TBC1D31: variants seen among roughly 807,000 people sequenced by gnomAD.
The protein encoded by TBC1D31 is WD repeat domain 67.
TBC1D31 carries 99 observed loss-of-function variants against 132.9 expected under a neutral mutation model. That is an observed-to-expected ratio of 0.74 (90% CI 0.63 to 0.88). The LOEUF (loss-of-function observed/expected upper bound fraction) is 0.88, where lower values mean the gene tolerates loss of function less well. Among genes scored for constraint, TBC1D31 ranks in the 40% least tolerant of loss-of-function variants. The probability of loss-of-function intolerance (pLI) is 0.00; values close to 1 mark genes in which losing one functional copy is unlikely to be tolerated. For missense variants in TBC1D31, 1,134 were observed against 1,256.6 expected, an observed-to-expected ratio of 0.90 and a Z score of 1.48; for synonymous variants, 385 against 419.4, an observed-to-expected ratio of 0.92 and a Z score of 1.00.
At chr8:123,117,085 C>T (rs7012143) in intron 10 of TBC1D31, among the ~76,000 whole-genome samples, 85,953 of 151,896 alleles carry the variant, frequency 0.57, 24,545 homozygotes, top group Admixed American at 0.62. Context: ...GAGGTCAAGA[C>T]GGGTGGATCA....
At chr8:123,158,256 A>G in the TBC1D31 span, among the ~76,000 whole-genome samples, 36 of 148,860 alleles carry the variant, frequency 2.4e-4, no homozygotes, top group African/African-American at 9.3e-4. Context: ...ATAAATACAT[A>G]CATAACTATT....
intron 21 of TBC1D31, among the ~76,000 whole-genome samples, chr8:123,150,671 G>A (rs564430046): frequency 4.6e-5 from 7 of 152,292 alleles, no homozygotes; most frequent in Admixed American, 2.6e-4. Context: ...ATCCCTGGAC[G>A]TGGTTCATTG....
At position 123,088,189 on chromosome 8, in the gene TBC1D31, CA is replaced by C. The variant is rs71573665; in HGVS notation, c.519+3862del. On this transcript the variant is annotated intron_variant, in intron 4 of 21. Coordinates refer to ENST00000287380, the MANE Select transcript of TBC1D31 (RefSeq NM_145647.4). The stretch of plus-strand genomic sequence containing the variant: ...GGGCAACAGAGCGAGACTCTTGTCT[CA>C]AAAAAAAAAAAATACAATACAATAA... Among the ~76,000 whole-genome samples, 558 of 139,758 alleles carry C rather than the reference CA, an allele frequency of 4.0e-3. 3 individuals are homozygous for C. Among genetic ancestry groups the C allele is most frequent in the Middle Eastern group, 0.012 (3 of 258 alleles). 91.7% of individuals were successfully genotyped at this position (139,758 alleles called of 152,430 possible).
At chr8:123,147,112 A>C (rs1300343869) in intron 20 of TBC1D31, among the ~76,000 whole-genome samples, 1 of 151,858 alleles carries the variant, frequency 6.6e-6, no homozygotes, top group Non-Finnish European at 1.5e-5. Context: ...CTTACAAAAG[A>C]TACTAATCAT....
intron 10 of TBC1D31, among the ~76,000 whole-genome samples, chr8:123,117,801 A>T (rs1006639591): frequency 1.3e-5 from 2 of 151,420 alleles, no homozygotes; most frequent in East Asian, 3.9e-4. Flanking sequence ...GTGGTGGCAC[A>T]CACCTATAGT....
In TBC1D31 at chr8:123,126,561, G is replaced by A. The variant is rs1172815085; in HGVS notation, c.1758G>A (p.Glu586=). 1 of 1,613,906 alleles carries A rather than the reference G, an allele frequency of 6.2e-7. No homozygotes were observed. The highest frequency in any genetic ancestry group is 1.3e-5 in the African/African-American group (1 of 74,906). ...TGTTCTCAGAAGTGCTGACAAGAGA[G>A]GAGTGGCTGAAATTGTTCGATAATA... ...ETVFSEVLTR[E]EWLKLFDNIF... The change falls in exon 13 of 22, where the codon GAG becomes GAA. Residue 586 remains glutamate (E), a synonymous_variant. Coordinates refer to ENST00000287380, the MANE Select transcript of TBC1D31 (RefSeq NM_145647.4).
chr8:123,109,003 G>A (rs925322275), intron 8 of TBC1D31, among the ~76,000 whole-genome samples: 3 of 152,190 alleles, frequency 2.0e-5, no homozygotes, highest in African/African-American at 7.2e-5. Context: ...CCTTCAACAC[G>A]TGGGGATTGT....
At position 123,097,395 on chromosome 8, in the gene TBC1D31, G is replaced by A. The variant is rs142466644; in HGVS notation, c.785G>A (p.Arg262His). Residue 262 changes from arginine (R) to histidine (H), a missense_variant, in exon 6 of 22, where the codon CGC (arginine) becomes CAC (histidine). Arg to His is a conservative substitution (Grantham distance 29, BLOSUM62 0). Coordinates refer to ENST00000287380, the MANE Select transcript of TBC1D31 (RefSeq NM_145647.4). ...ATGCCCACTAAAGTTCGAGCCATTC[G>A]CCATCTGGAATTTCTTCCTGATAGT... ...IQMPTKVRAI[R>H]HLEFLPDSFD... 226 of 1,613,974 alleles carry A rather than the reference G, an allele frequency of 1.4e-4. No individual in the cohort carries two copies. Among genetic ancestry groups the A allele is most frequent in the Admixed American group, 4.8e-4 (29 of 59,994 alleles).
At chr8:123,159,279 A>G in the TBC1D31 span, among the ~76,000 whole-genome samples, 9 of 120,674 alleles carry the variant, frequency 7.5e-5, no homozygotes, top group Non-Finnish European at 1.3e-4. Flanking sequence ...AAAAAAAAAA[A>G]AAAAGAAAAA....
rs1176613065 is a variant in TBC1D31, at chr8:123,072,780, C to G, written c.11C>G (p.Thr4Ser). The change falls in exon 1 of 22, where the codon ACT becomes AGT. Residue 4 changes from threonine (T) to serine (S), a missense_variant. Coordinates refer to ENST00000287380, the MANE Select transcript of TBC1D31 (RefSeq NM_145647.4). The stretch of plus-strand genomic sequence containing the variant: ...TGGGCAAGCTTCGCCATGCAGAGCA[C>G]TGACCTAGGCAACAAGGAGAGCGGC... MQSTDLGNKESGKI... is the reference protein window; with the variant it reads MQSSDLGNKESGKI... 6.4e-7 allele frequency: 1 copy of G among 1,568,392 alleles called. No individual in the cohort carries two copies. The highest frequency in any genetic ancestry group is 1.9e-5 in the Admixed American group (1 of 53,158).
chr8:123,116,682 C>A (rs1019909734), intron 10 of TBC1D31, among the ~76,000 whole-genome samples: 4 of 151,758 alleles, frequency 2.6e-5, no homozygotes, highest in Non-Finnish European at 5.9e-5. Context: ...ACAAGATGAA[C>A]CTGAAGCATC....
chr8:123,092,857 G>C (rs1057144276), intron 4 of TBC1D31, among the ~76,000 whole-genome samples: 19 of 140,392 alleles, frequency 1.4e-4, no homozygotes, highest in East Asian at 2.0e-4. Flanking sequence ...CCTCACCCAG[G>C]CTAAAGTGCG....
At chr8:123,131,546 ATATGTG>A (rs1820631720) in intron 16 of TBC1D31, among the ~76,000 whole-genome samples, 1 of 151,956 alleles carries the variant, frequency 6.6e-6, no homozygotes, top group African/African-American at 2.4e-5. Flanking sequence ...CATATTTGTT[ATATGTG>A]TATCTATTTC....
intron 7 of TBC1D31, chr8:123,104,269 G>A (rs1466702179): frequency 6.6e-6 from 1 of 152,046 alleles, no homozygotes; most frequent in East Asian, 1.9e-4. Context: ...GTGTTTTGAA[G>A]CTTTTTGTTA....
chr8:123,144,615 T>C lies in TBC1D31; in HGVS notation c.2836-102T>C, dbSNP rs1484326758. On this transcript the variant is annotated intron_variant, in intron 19 of 21. Transcript: ENST00000287380. ...ACAGATCCTACTTGCCATGGGAATA[T>C]AAAGGAAAGTGGATAGAGAAGACAG... 3.5e-6 allele frequency: 4 copies of C among 1,144,930 alleles called. No individual in the cohort carries two copies. In the Admixed American group the frequency reaches 8.4e-5, roughly 24 times the overall value. The allele number at this position is 1,144,930 out of a possible 1,614,324, so 70.9% of individuals were successfully genotyped here.
chr8:123,141,403 G>A (rs561182992), intron 18 of TBC1D31, among the ~76,000 whole-genome samples: 1 of 152,248 alleles, frequency 6.6e-6, no homozygotes, highest in East Asian at 1.9e-4. Flanking sequence ...TGGAAATGCT[G>A]TCTTAAAGTG....
chr8:123,082,277 C>T (rs565090199), intron 2 of TBC1D31, among the ~76,000 whole-genome samples: 15 of 152,126 alleles, frequency 9.9e-5, no homozygotes, highest in South Asian at 2.1e-4. Context: ...CTTCATTTTA[C>T]GCAAGATCGG....
At chr8:123,091,912 G>T (rs1001754967) in intron 4 of TBC1D31, among the ~76,000 whole-genome samples, 1 of 152,154 alleles carries the variant, frequency 6.6e-6, no homozygotes, top group Non-Finnish European at 1.5e-5. Flanking sequence ...AACTGAATCT[G>T]TAATAAGATA....
At chr8:123,141,580 A>G (rs1821674719) in intron 18 of TBC1D31, among the ~76,000 whole-genome samples, 1 of 152,212 alleles carries the variant, frequency 6.6e-6, no homozygotes, top group African/African-American at 2.4e-5. Context: ...AAAATGTTAA[A>G]TGGGTATGTG....
Sources: allele counts gnomAD v4.1 joint callset (sites outside exome capture counted in the v4.1 genomes callset), GRCh38; gene constraint gnomAD v4.1.1; transcripts MANE v1.5; gene names NCBI Gene and HGNC (gene_info 2026-07-23, HGNC 2026-07-21).